Variants in LRRTM4 observed in about 807,000 individuals in gnomAD.
The protein encoded by LRRTM4 is leucine rich repeat transmembrane neuronal 4.
In LRRTM4, 25 loss-of-function variants were observed where a neutral mutation model predicts 47.6. The ratio of observed to expected loss-of-function variants is 0.53; its 90% CI spans 0.38 to 0.73. LRRTM4 has a LOEUF of 0.73. Ranked by LOEUF, LRRTM4 falls within the 30% of genes least tolerant of loss-of-function variation. LRRTM4 has a pLI of 0.00. For synonymous variants in LRRTM4, 311 were observed against 269.5 expected (o/e 1.15, Z -1.51); for missense variants, 638 against 713.4 (o/e 0.89, Z 1.20).
At chr2:77,124,822 T>C (rs1238992779) in intron 3 of LRRTM4, among the ~76,000 whole-genome samples, 1 of 152,154 alleles carries the variant, frequency 6.6e-6, no homozygotes, top group East Asian at 1.9e-4. Context: ...ATGATATCCA[T>C]CTTCTTCAGG....
At chr2:76,898,553 CAAAAAAAAAAAA>C (rs56345618) in intron 3 of LRRTM4, among the ~76,000 whole-genome samples, 5 of 63,552 alleles carry the variant, frequency 7.9e-5, no homozygotes, top group Admixed American at 3.9e-4. Flanking sequence ...AGCTCCGTCT[CAAAAAAAAAAAA>C]AAAAAAAAAA....
At chr2:77,388,107 G>A (rs1041121382) in intron 3 of LRRTM4, among the ~76,000 whole-genome samples, 7 of 151,442 alleles carry the variant, frequency 4.6e-5, no homozygotes, top group Middle Eastern at 3.2e-3. Context: ...ATGCAGGACT[G>A]AGGAACATGA....
chr2:76,826,996 C>CT (rs1208016260), intron 3 of LRRTM4, among the ~76,000 whole-genome samples: 6 of 151,876 alleles, frequency 4.0e-5, no homozygotes, highest in African/African-American at 1.4e-4. Context: ...ACAAGCCACC[C>CT]TTGTGCACGT....
chr2:77,254,980 A>C (rs1675722720), intron 3 of LRRTM4, among the ~76,000 whole-genome samples: 1 of 151,892 alleles, frequency 6.6e-6, no homozygotes, highest in African/African-American at 2.4e-5. Flanking sequence ...AAATAAAACA[A>C]AACACAGAGA....
At chr2:76,973,242 C>T (rs550900489) in intron 3 of LRRTM4, among the ~76,000 whole-genome samples, 6 of 152,034 alleles carry the variant, frequency 3.9e-5, no homozygotes, top group Admixed American at 6.6e-5. Context: ...ATCTTGAAAG[C>T]AGTAATTACA....
chr2:77,134,070 A>G (rs1671870250), intron 3 of LRRTM4, among the ~76,000 whole-genome samples: 1 of 152,186 alleles, frequency 6.6e-6, no homozygotes, highest in African/African-American at 2.4e-5. Flanking sequence ...AAATAACACA[A>G]AACACATCCA....
intron 3 of LRRTM4, among the ~76,000 whole-genome samples, chr2:77,260,787 C>G (rs969861227): frequency 6.6e-6 from 1 of 151,966 alleles, no homozygotes; most frequent in Non-Finnish European, 1.5e-5. Context: ...AGAACAATCT[C>G]CTTATGAAAA....
chr2:77,302,457 T>A (rs1396415662), intron 3 of LRRTM4, among the ~76,000 whole-genome samples: 1 of 152,200 alleles, frequency 6.6e-6, no homozygotes, highest in African/African-American at 2.4e-5. Flanking sequence ...AATACTGGGA[T>A]TCAAGAGTTC....
intron 3 of LRRTM4, among the ~76,000 whole-genome samples, chr2:77,205,241 T>A (rs1468890909): frequency 6.6e-6 from 1 of 152,182 alleles, no homozygotes; most frequent in Non-Finnish European, 1.5e-5. Context: ...TTGTTTTGTT[T>A]TCATGGAGAT....
chr2:77,355,083 C>T (rs534535431), intron 3 of LRRTM4, among the ~76,000 whole-genome samples: 5 of 152,140 alleles, frequency 3.3e-5, no homozygotes, highest in Non-Finnish European at 7.3e-5. Context: ...TGCATGGATT[C>T]CATATTACAA....
intron 1 of LRRTM4, 54 bp from the exon 2 acceptor site, chr2:77,521,872 C>CATAT (rs144600007): frequency 1.7e-4 from 35 of 204,644 alleles, no homozygotes; most frequent in African/African-American, 4.7e-4. Context: ...TATATATATA[C>CATAT]ATATATATAT....
At chr2:77,482,760 C>G (rs1677756266) in intron 3 of LRRTM4, among the ~76,000 whole-genome samples, 1 of 152,126 alleles carries the variant, frequency 6.6e-6, no homozygotes, top group Non-Finnish European at 1.5e-5. Context: ...GGTAAGCTAA[C>G]TAGTATTAAC....
intron 3 of LRRTM4, among the ~76,000 whole-genome samples, chr2:76,953,440 C>T (rs977488356): frequency 6.6e-6 from 1 of 151,830 alleles, no homozygotes; most frequent in Non-Finnish European, 1.5e-5. Context: ...CCTTTCCTAA[C>T]GCAGCACTGC....
chr2:76,763,449 C>G, intron 3 of LRRTM4, among the ~76,000 whole-genome samples: 1 of 152,212 alleles, frequency 6.6e-6, no homozygotes. Flanking sequence ...TGTGAGCACA[C>G]AGTCTGTGGT....
At chr2:76,770,920 C>A (rs980206818) in intron 3 of LRRTM4, among the ~76,000 whole-genome samples, 2 of 152,206 alleles carry the variant, frequency 1.3e-5, no homozygotes, top group Non-Finnish European at 2.9e-5. Flanking sequence ...AGCCTTTTCT[C>A]TGTAATCCTC....
At chr2:77,189,770 TACAC>T (rs200696971) in intron 3 of LRRTM4, among the ~76,000 whole-genome samples, 2 of 151,474 alleles carry the variant, frequency 1.3e-5, no homozygotes, top group African/African-American at 2.4e-5. Context: ...TATATACATA[TACAC>T]ACACACACAC....
chr2:77,079,254 G>T (rs1359394815), intron 3 of LRRTM4, among the ~76,000 whole-genome samples: 1 of 152,188 alleles, frequency 6.6e-6, no homozygotes, highest in Non-Finnish European at 1.5e-5. Flanking sequence ...AAAGCTAAGG[G>T]TTAGAATTTT....
At position 77,350,242 on chromosome 2, in the gene LRRTM4, C is replaced by T. The variant is rs190829745; in HGVS notation, c.1551+168076G>A. Among the ~76,000 whole-genome samples the T allele has an allele frequency of 5.0e-3, 685 of 137,672 alleles. 6 individuals are homozygous for T. Among genetic ancestry groups the T allele is most frequent in the African/African-American group, 0.017 (645 of 37,694 alleles). 90.3% of individuals were successfully genotyped at this position (137,672 alleles called of 152,430 possible). ...TCGGGAGGCTGAGGCAGGAGAATGG[C>T]GTGAACCCGGGAAGCGGAGCTTGCA... On this transcript the variant is annotated intron_variant, in intron 3 of 3. Coordinates refer to ENST00000409884, the MANE Select transcript of LRRTM4 (RefSeq NM_001134745.3).
intron 3 of LRRTM4, among the ~76,000 whole-genome samples, chr2:77,184,636 G>T (rs1673448124): frequency 6.6e-6 from 1 of 152,058 alleles, no homozygotes; most frequent in Non-Finnish European, 1.5e-5. Context: ...TAGGTTCTGG[G>T]TCATCATGCC....
Sources: allele counts gnomAD v4.1 joint callset (sites outside exome capture counted in the v4.1 genomes callset), GRCh38; gene constraint gnomAD v4.1.1; transcripts MANE v1.5; gene names NCBI Gene and HGNC (gene_info 2026-07-23, HGNC 2026-07-21).